CFAP61: variants seen among roughly 807,000 people sequenced by gnomAD.
The protein encoded by CFAP61 is cilia- and flagella-associated protein 61.
A neutral mutation model predicts 135.6 loss-of-function variants in CFAP61; 107 were observed. The ratio of observed to expected loss-of-function variants is 0.79; its 90% CI spans 0.67 to 0.93. The LOEUF (loss-of-function observed/expected upper bound fraction) is 0.93, where lower values mean the gene tolerates loss of function less well. CFAP61 is among the 40% of genes least tolerant of loss of function. CFAP61 has a pLI of 0.00. For synonymous variants in CFAP61, 575 were observed against 578.5 expected (o/e 0.99, Z 0.09); for missense variants, 1,507 against 1,556.2 (o/e 0.97, Z 0.53).
intron 11 of CFAP61, among the ~76,000 whole-genome samples, chr20:20,164,640 G>T (rs2053675388): frequency 3.3e-5 from 5 of 152,080 alleles, no homozygotes; most frequent in African/African-American, 1.2e-4. Context: ...CATAACTAAG[G>T]ATAACTCTGG....
chr20:20,079,664 C>A lies in CFAP61; in HGVS notation c.566+4049C>A, dbSNP rs188565674. Reference sequence around the variant, plus strand: ...CCAAGAAGCAGATGAACTTCAGATACATATTATCTACCTAATTTAGTTTGA... The same window carrying A: ...CCAAGAAGCAGATGAACTTCAGATAAATATTATCTACCTAATTTAGTTTGA... On this transcript the variant is annotated intron_variant, in intron 6 of 26. Coordinates refer to ENST00000245957, the MANE Select transcript of CFAP61 (RefSeq NM_015585.4). Among the ~76,000 whole-genome samples the A allele has an allele frequency of 9.2e-4, 140 of 152,290 alleles. 1 individual carries two copies. The South Asian group carries it at 0.022, about 24-fold the overall frequency.
chr20:20,200,106 T>C (rs2056534765), intron 17 of CFAP61, among the ~76,000 whole-genome samples: 1 of 152,216 alleles, frequency 6.6e-6, no homozygotes, highest in South Asian at 2.1e-4. Flanking sequence ...CCTAAAGCAG[T>C]AGCCACAGGA....
At chr20:20,294,686 T>C (rs900443641) in intron 24 of CFAP61, among the ~76,000 whole-genome samples, 1 of 151,636 alleles carries the variant, frequency 6.6e-6, no homozygotes, top group African/African-American at 2.4e-5. Context: ...CCCAGCACTT[T>C]GGGAGGCCGA....
intron 2 of CFAP61, chr20:20,069,752 C>T (rs1490586732): frequency 1.3e-5 from 6 of 456,352 alleles, no homozygotes; most frequent in African/African-American, 2.0e-5. Context: ...TAGATTTTCT[C>T]GTTCTTGTCT....
At chr20:20,329,754 C>T (rs372753490) in intron 25 of CFAP61, among the ~76,000 whole-genome samples, 9 of 152,248 alleles carry the variant, frequency 5.9e-5, no homozygotes, top group African/African-American at 1.9e-4. Flanking sequence ...TCCCAGCAGG[C>T]CCTGCCTGCT....
intron 22 of CFAP61, among the ~76,000 whole-genome samples, chr20:20,278,034 G>A (rs1344392256): frequency 6.6e-6 from 1 of 152,172 alleles, no homozygotes; most frequent in Non-Finnish European, 1.5e-5. Flanking sequence ...AAGTTGCCAG[G>A]ACCAGCCCAT....
rs534211577 is a variant in CFAP61 at position 20,351,592 on chromosome 20, T to C, written c.3514-8618T>C. Among the ~76,000 whole-genome samples the C allele has an allele frequency of 1.7e-4, 26 of 152,062 alleles. No individual in the cohort carries two copies. In the South Asian group the frequency reaches 4.8e-3, roughly 28 times the overall value. ...CTGTCTCGAAAAAAAAAAAAATGTT[T>C]ATATACACTAACAATAAACTATCTG... On this transcript the variant is annotated intron_variant, in intron 26 of 26. Coordinates refer to ENST00000245957, the MANE Select transcript of CFAP61 (RefSeq NM_015585.4).
At chr20:20,278,207 G>A (rs1291521054) in intron 22 of CFAP61, among the ~76,000 whole-genome samples, 2 of 152,208 alleles carry the variant, frequency 1.3e-5, no homozygotes, top group Non-Finnish European at 2.9e-5. Flanking sequence ...AGAACGCTGT[G>A]GCTCTAAGTC....
chr20:20,295,403 CTG>C (rs899397549), intron 24 of CFAP61, among the ~76,000 whole-genome samples: 8 of 152,160 alleles, frequency 5.3e-5, no homozygotes, highest in African/African-American at 1.9e-4. Context: ...GCAGATAAAA[CTG>C]TGCCAGAGTC....
At chr20:20,136,188 GT>G (rs2050908890) in intron 8 of CFAP61, among the ~76,000 whole-genome samples, 1 of 152,018 alleles carries the variant, frequency 6.6e-6, no homozygotes, top group Non-Finnish European at 1.5e-5. Context: ...ACCTTTGGGA[GT>G]TTGATTATTA....
At chr20:20,110,435 G>A (rs1180177687) in intron 8 of CFAP61, among the ~76,000 whole-genome samples, 2 of 152,098 alleles carry the variant, frequency 1.3e-5, no homozygotes, top group African/African-American at 4.8e-5. Context: ...TCCAAGGAAA[G>A]AAATCTGCAA....
intron 14 of CFAP61, among the ~76,000 whole-genome samples, chr20:20,190,733 A>G (rs897785609): frequency 7.2e-5 from 11 of 152,214 alleles, no homozygotes; most frequent in African/African-American, 2.4e-4. Context: ...ATGTAAATCT[A>G]CAAGTATGTC....
At chr20:20,249,888 A>G (rs1282064006) in intron 19 of CFAP61, among the ~76,000 whole-genome samples, 1 of 152,178 alleles carries the variant, frequency 6.6e-6, no homozygotes, top group East Asian at 1.9e-4. Context: ...ATAAAAAACA[A>G]TCTTTCATGG....
At chr20:20,332,238 G>A (rs898892648) in intron 25 of CFAP61, among the ~76,000 whole-genome samples, 5 of 152,166 alleles carry the variant, frequency 3.3e-5, no homozygotes, top group South Asian at 2.1e-4. Flanking sequence ...AATGACCCGC[G>A]GCTGTGCTTT....
In CFAP61 at chr20:20,074,394, C is replaced by T. The variant is rs377738901; in HGVS notation, c.371+16C>T. 7.8e-5 allele frequency: 125 copies of T among 1,604,964 alleles called. No homozygotes were observed. The highest frequency in any genetic ancestry group is 9.7e-5 in the Non-Finnish European group (114 of 1,171,798). On this transcript the variant is annotated intron_variant, in intron 4 of 26. Coordinates refer to ENST00000245957, the MANE Select transcript of CFAP61 (RefSeq NM_015585.4). Reference sequence around the variant, plus strand: ...AGATTCTTCGGTGAGTGGATATGGCCGTGCAGTGGTGAACATGAAAGAGAC... The same window carrying T: ...AGATTCTTCGGTGAGTGGATATGGCTGTGCAGTGGTGAACATGAAAGAGAC...
chr20:20,159,385 G>C lies in CFAP61; in HGVS notation c.967G>C (p.Glu323Gln). 2.5e-6 allele frequency: 4 copies of C among 1,613,928 alleles called. No homozygotes were observed. The highest frequency in any genetic ancestry group is 1.3e-5 in the African/African-American group (1 of 75,042). ...MENIQGNIAR[E>Q]AASEEALTAV... is the part of the protein sequence containing the mutation. ...TCATTTCCAGGGAAATATTGCCAGAGAAGCTGCATCCGAGGAAGCTTTAAC... is the reference window on the plus strand; with the variant it reads ...TCATTTCCAGGGAAATATTGCCAGACAAGCTGCATCCGAGGAAGCTTTAAC... Residue 323 changes from glutamate (E) to glutamine (Q), a missense_variant, in exon 10 of 27, where the codon GAA (glutamate) becomes CAA (glutamine). Transcript: ENST00000245957.
intron 10 of CFAP61, among the ~76,000 whole-genome samples, chr20:20,163,220 C>G (rs191041230): frequency 2.0e-5 from 3 of 152,150 alleles, no homozygotes; most frequent in African/African-American, 4.8e-5. Context: ...AAAAGAACTC[C>G]ATGAGGGATC....
intron 7 of CFAP61, among the ~76,000 whole-genome samples, chr20:20,096,092 AAGAT>A (rs1254446641): frequency 2.6e-5 from 4 of 152,214 alleles, no homozygotes; most frequent in Admixed American, 2.0e-4. Flanking sequence ...TGTCACCAGG[AAGAT>A]AGATAACAGC....
intron 9 of CFAP61, among the ~76,000 whole-genome samples, chr20:20,149,713 C>G (rs1158096773): frequency 6.6e-6 from 1 of 152,156 alleles, no homozygotes; most frequent in Non-Finnish European, 1.5e-5. Flanking sequence ...CAGCTCAAGC[C>G]CAGGGAAGCC....
Sources: allele counts gnomAD v4.1 joint callset (sites outside exome capture counted in the v4.1 genomes callset), GRCh38; gene constraint gnomAD v4.1.1; transcripts MANE v1.5; gene names NCBI Gene and HGNC (gene_info 2026-07-23, HGNC 2026-07-21).